Variants in CSNK1G1 observed in about 807,000 individuals in gnomAD.
CSNK1G1 encodes casein kinase I isoform gamma-1.
A neutral mutation model predicts 59.6 loss-of-function variants in CSNK1G1; 22 were observed. The observed-to-expected ratio is 0.37, with a 90% CI of 0.26 to 0.53. The LOEUF (loss-of-function observed/expected upper bound fraction) is 0.53, where lower values mean the gene tolerates loss of function less well. CSNK1G1 is among the 20% of genes least tolerant of loss of function. The pLI is 0.89. For missense variants in CSNK1G1, 384 were observed against 519.5 expected (o/e 0.74, Z 2.54); for synonymous variants, 179 against 177.1 (o/e 1.01, Z -0.08).
At chr15:64,225,879 G>A (rs1014398237) in intron 4 of CSNK1G1, among the ~76,000 whole-genome samples, 3 of 152,040 alleles carry the variant, frequency 2.0e-5, no homozygotes, top group Admixed American at 6.6e-5. Context: ...CACCTGCCTC[G>A]GCCTCCCGAA....
At chr15:64,238,472 G>T (rs1398069254) in intron 4 of CSNK1G1, among the ~76,000 whole-genome samples, 1 of 117,348 alleles carries the variant, frequency 8.5e-6, no homozygotes, top group Non-Finnish European at 1.6e-5. Flanking sequence ...CAGCCTGGGT[G>T]ACAGAGCAAG....
intron 1 of CSNK1G1, chr15:64,342,436 G>A (rs1897727597): frequency 6.6e-6 from 1 of 152,120 alleles, no homozygotes; most frequent in Non-Finnish European, 1.5e-5. Flanking sequence ...AGCCTTTACT[G>A]CTGCTAGATT....
At chr15:64,187,747 A>T (rs1265411891) in intron 10 of CSNK1G1, among the ~76,000 whole-genome samples, 1 of 152,222 alleles carries the variant, frequency 6.6e-6, no homozygotes, top group East Asian at 1.9e-4. Flanking sequence ...AACAATATTG[A>T]GGCTAAGATT....
intron 11 of CSNK1G1, among the ~76,000 whole-genome samples, chr15:64,177,535 T>C (rs1404174184): frequency 6.6e-6 from 1 of 152,228 alleles, no homozygotes; most frequent in African/African-American, 2.4e-5. Context: ...TGGTCAAATA[T>C]AATTTCTCCC....
At chr15:64,261,245 G>A (rs1892671366) in intron 2 of CSNK1G1, among the ~76,000 whole-genome samples, 1 of 152,174 alleles carries the variant, frequency 6.6e-6, no homozygotes, top group Non-Finnish European at 1.5e-5. Context: ...ATGTGACTCT[G>A]CGCAAAGATT....
chr15:64,312,052 G>A lies in CSNK1G1; in HGVS notation c.-224-11329C>T, dbSNP rs139960983. On this transcript the variant is annotated intron_variant, in intron 1 of 11. Transcript: ENST00000303052. ...ATACCTAGGAATACAACTTATAAGG[G>A]ATGTGAAGGACCTCTTCAAGGAGAA... Among the ~76,000 whole-genome samples, 435 of 152,250 alleles carry A rather than the reference G, an allele frequency of 2.9e-3. 3 individuals are homozygous for A. Among genetic ancestry groups the A allele is most frequent in the African/African-American group, 9.4e-3 (391 of 41,550 alleles).
At chr15:64,310,009 T>C (rs898250508) in intron 1 of CSNK1G1, among the ~76,000 whole-genome samples, 6 of 151,852 alleles carry the variant, frequency 4.0e-5, no homozygotes, top group Non-Finnish European at 8.8e-5. Context: ...GCTACTTGGA[T>C]GGCTGAAGCA....
intron 1 of CSNK1G1, among the ~76,000 whole-genome samples, chr15:64,354,260 G>C (rs984667089): frequency 5.9e-5 from 9 of 152,154 alleles, no homozygotes; most frequent in Admixed American, 6.5e-5. Flanking sequence ...AGCCGAGATC[G>C]TGCCACTGCA....
At chr15:64,294,653 G>A (rs2140391812) in intron 2 of CSNK1G1, among the ~76,000 whole-genome samples, 1 of 151,696 alleles carries the variant, frequency 6.6e-6, no homozygotes, top group East Asian at 2.0e-4. Context: ...GCTCATACCT[G>A]TAATCCCAGC....
intron 2 of CSNK1G1, among the ~76,000 whole-genome samples, chr15:64,293,519 G>T (rs980807380): frequency 6.6e-6 from 1 of 152,148 alleles, no homozygotes; most frequent in Non-Finnish European, 1.5e-5. Context: ...CATCTTTTTG[G>T]AGGGCAAACT....
intron 1 of CSNK1G1, among the ~76,000 whole-genome samples, chr15:64,305,784 A>C (rs1321324150): frequency 1.3e-5 from 2 of 151,510 alleles, no homozygotes; most frequent in Non-Finnish European, 2.9e-5. Context: ...AAAAAAAAAA[A>C]ACACAAATAA....
intron 2 of CSNK1G1, among the ~76,000 whole-genome samples, chr15:64,293,935 T>C (rs1230523915): frequency 6.6e-6 from 1 of 152,258 alleles, no homozygotes; most frequent in Non-Finnish European, 1.5e-5. Context: ...GCAGGAGTAC[T>C]GTATTAATTA....
At chr15:64,218,668 C>T (rs567677057) in intron 4 of CSNK1G1, among the ~76,000 whole-genome samples, 6 of 152,004 alleles carry the variant, frequency 3.9e-5, no homozygotes, top group South Asian at 2.1e-4. Flanking sequence ...GGATTACAGG[C>T]GAGAGCTACC....
intron 4 of CSNK1G1, among the ~76,000 whole-genome samples, chr15:64,234,483 T>C (rs985219057): frequency 1.3e-5 from 2 of 152,090 alleles, no homozygotes; most frequent in Non-Finnish European, 2.9e-5. Context: ...AAAGCAGGTT[T>C]TTCTCCAAAA....
At chr15:64,341,844 A>G (rs910226493) in intron 1 of CSNK1G1, among the ~76,000 whole-genome samples, 1 of 152,128 alleles carries the variant, frequency 6.6e-6, no homozygotes, top group Non-Finnish European at 1.5e-5. Flanking sequence ...AATCTAAAAG[A>G]CCCTTTTTAA....
chr15:64,237,752 C>T (rs556458968), intron 4 of CSNK1G1, among the ~76,000 whole-genome samples: 2 of 152,198 alleles, frequency 1.3e-5, no homozygotes, highest in South Asian at 2.1e-4. Flanking sequence ...TGAAACAGAA[C>T]CATGCTCCTG....
intron 2 of CSNK1G1, among the ~76,000 whole-genome samples, chr15:64,281,595 T>A (rs1408124931): frequency 6.6e-6 from 1 of 152,164 alleles, no homozygotes; most frequent in Non-Finnish European, 1.5e-5. Flanking sequence ...CCCAGGACTT[T>A]GGGAAGCCAA....
In CSNK1G1 at chr15:64,216,603, T is replaced by C. The variant is rs374595252; in HGVS notation, c.403A>G (p.Thr135Ala). The C allele has an allele frequency of 3.1e-6, 5 of 1,613,786 alleles. No individual in the cohort carries two copies. In the African/African-American group the frequency reaches 6.7e-5, roughly 22 times the overall value. The change falls in exon 5 of 12, where the codon ACA becomes GCA. Residue 135 changes from threonine (T) to alanine (A), a missense_variant. By Grantham distance (58) the Thr-to-Ala change is moderately conservative (BLOSUM62 0). Transcript: ENST00000303052. The surrounding 1 kb of genome is among the most constrained non-coding windows in gnomAD (Gnocchi z 4.6). The stretch of plus-strand genomic sequence containing the variant: ...ATTAACACCGTCTTCAAAGTAAATG[T>C]TCGGTCACAGAGGTCAAACAAGTCC... The part of the protein sequence containing the change: ...LEDLFDLCDR[T>A]FTLKTVLMIA...
Position 64,326,212 on chromosome 15 carries a change from GAC to G in CSNK1G1, c.-224-25491_-224-25490del, listed in dbSNP as rs1896825784. Among the ~76,000 whole-genome samples, 6 of 152,268 alleles carry G rather than the reference GAC, an allele frequency of 3.9e-5. No individual in the cohort carries two copies. In the South Asian group the frequency reaches 1.0e-3, roughly 26 times the overall value. On this transcript the variant is annotated intron_variant, in intron 1 of 11. Transcript: ENST00000303052. ...AGCTGATTTTTGTATTTTTAGTAGA[GAC>G]AGGGTTTTGCCATGTTGCTCAGGCC...
Sources: gnomAD v4.1 joint callset for allele counts (sites outside exome capture counted in the v4.1 genomes callset) on GRCh38, gnomAD v4.1.1 for gene constraint, Gnocchi (gnomAD v3.1) non-coding constraint, MANE v1.5 for transcripts, NCBI Gene and HGNC (gene_info 2026-07-23, HGNC 2026-07-21) for gene names.